The following KANTR variants were observed in gnomAD, a reference collection of about 807,000 sequenced individuals.
KANTR encodes the protein KANTR integral membrane protein, also known as KDM5C adjacent transcript.
intron 2 of KANTR, among the ~76,000 whole-genome samples, chrX:53,099,842 A>C (rs1932874715): frequency 8.9e-6 from 1 of 112,254 alleles, no homozygotes; most frequent in Non-Finnish European, 1.9e-5. Context: ...GTGCATTTTC[A>C]ATGAGCAGTA....
At chrX:53,143,415 C>CGTAGATGGGTACCAT, downstream of KANTR, 1 of 641,157 alleles carries the variant, frequency 1.6e-6, no homozygotes, top group Non-Finnish European at 2.5e-6. Flanking sequence ...GCATGGCCCT[C>CGTAGATGGGTACCAT]GTAGATGGGT....
downstream of KANTR, chrX:53,142,860 T>C: frequency 1.9e-6 from 1 of 513,010 alleles, no homozygotes. Flanking sequence ...AGGGGCCACA[T>C]ACCTAATTGC....
chrX:53,111,262 T>TCCTC (rs1362265552), intron 2 of KANTR, among the ~76,000 whole-genome samples: 1 of 109,597 alleles, frequency 9.1e-6, no homozygotes, highest in East Asian at 2.9e-4. Context: ...ACTCAAGCAG[T>TCCTC]CCTCCTGCCT....
chrX:53,131,991 A>G (rs1325918246), downstream of KANTR, among the ~76,000 whole-genome samples: 1 of 112,303 alleles, frequency 8.9e-6, no homozygotes, highest in African/African-American at 3.2e-5. Context: ...GCAATGAACA[A>G]TTGGATACAG....
intron 2 of KANTR, among the ~76,000 whole-genome samples, chrX:53,099,919 A>G (rs1468253399): frequency 8.9e-6 from 1 of 112,016 alleles, no homozygotes; most frequent in African/African-American, 3.2e-5. Context: ...TATTTAATAA[A>G]CTATGCTATA....
chrX:53,107,302 C>CTTTTTTTTTTTTTTTTT (rs139264757), intron 2 of KANTR, among the ~76,000 whole-genome samples: 3 of 61,659 alleles, frequency 4.9e-5, no homozygotes, highest in African/African-American at 7.2e-5. Flanking sequence ...ATCCTCTTTG[C>CTTTTTTTTTTTTTTTTT]TTTTTTTTTT....
chrX:53,133,326 C>T (rs985319310), intron 2 of KANTR, among the ~76,000 whole-genome samples: 5 of 106,191 alleles, frequency 4.7e-5, no homozygotes, highest in Non-Finnish European at 9.7e-5. Flanking sequence ...GAGATTGTAC[C>T]GCTGCACTCC....
At chrX:53,100,622 AC>A (rs1932883539) in intron 2 of KANTR, among the ~76,000 whole-genome samples, 1 of 110,920 alleles carries the variant, frequency 9.0e-6, no homozygotes, top group Non-Finnish European at 1.9e-5. Flanking sequence ...ACATAGTGAA[AC>A]CCCGTCTCTA....
rs1210853010 is a variant in KANTR, at chrX:53,098,443, A to G, written c.-941-1029A>G. 2.7e-5 allele frequency among the ~76,000 whole-genome samples: 3 copies of G among 111,652 alleles called. No individual in the cohort carries two copies. The East Asian group carries it at 8.4e-4, about 31-fold the overall frequency. On this transcript the variant is annotated intron_variant, in intron 1 of 2. Coordinates refer to ENST00000604062, the Ensembl canonical transcript of KANTR. ...GGGGTGGCTGTGGCAAATTCTTAAA[A>G]TAAGATATCAATGAAGTTTGGCACG...
chrX:53,143,246 C>G (rs1933528447), downstream of KANTR: 2 of 620,555 alleles, frequency 3.2e-6, no homozygotes, highest in Non-Finnish European at 5.4e-6. Context: ...CAGTGGCCAT[C>G]TCCTGCTCGA....
intron 2 of KANTR, among the ~76,000 whole-genome samples, chrX:53,139,634 A>G (rs1430573101): frequency 1.8e-5 from 2 of 111,866 alleles, no homozygotes; most frequent in Non-Finnish European, 3.8e-5. Flanking sequence ...GCCAGACAAT[A>G]CAACATGACC....
At chrX:53,141,485 A>G (rs1933501095) in intron 2 of KANTR, among the ~76,000 whole-genome samples, 1 of 112,134 alleles carries the variant, frequency 8.9e-6, no homozygotes, top group African/African-American at 3.2e-5. Context: ...TTTTATTATC[A>G]GAATCAGCAT....
At chrX:53,127,691 G>A (rs1158893108), downstream of KANTR, among the ~76,000 whole-genome samples, 2 of 111,574 alleles carry the variant, frequency 1.8e-5, no homozygotes, top group African/African-American at 6.5e-5. Flanking sequence ...CTGAAGGCAG[G>A]CCTGCCTCTT....
intron 2 of KANTR, among the ~76,000 whole-genome samples, chrX:53,134,324 T>C (rs1556817367): frequency 9.1e-6 from 1 of 109,664 alleles, no homozygotes; most frequent in African/African-American, 3.3e-5. Context: ...ATCGTGCCAC[T>C]GCACTCCAGC....
chrX:53,143,498 A>G, downstream of KANTR: 1 of 601,125 alleles, frequency 1.7e-6, no homozygotes, highest in Non-Finnish European at 2.9e-6. Flanking sequence ...GAGGGACAAC[A>G]CGGCCTGGAT....
At chrX:53,095,145 T>C (rs1932837089) in intron 1 of KANTR, among the ~76,000 whole-genome samples, 1 of 112,425 alleles carries the variant, frequency 8.9e-6, no homozygotes, top group Non-Finnish European at 1.9e-5. Context: ...CAGCCTACTC[T>C]GTTAAACAGG....
chrX:53,094,753 G>A (rs1932834721), intron 1 of KANTR: 1 of 112,038 alleles, frequency 8.9e-6, no homozygotes, highest in Non-Finnish European at 1.9e-5. Context: ...TCTGCCAAAT[G>A]GGGGTCTGAT....
intron 2 of KANTR, among the ~76,000 whole-genome samples, chrX:53,103,432 C>G (rs1384800777): frequency 9.0e-6 from 1 of 111,043 alleles, no homozygotes; most frequent in African/African-American, 3.3e-5. Context: ...TGAACATTTT[C>G]ACTCCCTTTC....
intron 2 of KANTR, chrX:53,113,227 A>G (rs1439897156): frequency 1.4e-5 from 3 of 208,291 alleles, no homozygotes; most frequent in Non-Finnish European, 2.8e-5. Context: ...CTTTGTGTCC[A>G]GAGTAGCATT....
Sources: allele counts gnomAD v4.1 joint callset (sites outside exome capture counted in the v4.1 genomes callset), GRCh38; gene constraint gnomAD v4.1.1; transcripts MANE v1.5; gene names NCBI Gene and HGNC (gene_info 2026-07-23, HGNC 2026-07-21).